The following NECTIN1 variants were observed in gnomAD, a reference collection of about 807,000 sequenced individuals.
NECTIN1 encodes the protein nectin cell adhesion molecule 1.
Under a neutral mutation model 48.0 loss-of-function variants are expected in NECTIN1, and 23 were observed. The observed-to-expected ratio is 0.48, with a 90% CI of 0.34 to 0.68. The LOEUF is 0.68. NECTIN1 is among the 30% of genes least tolerant of loss of function. The pLI, the probability that NECTIN1 is intolerant of heterozygous loss-of-function variation, is 0.01. For missense variants in NECTIN1, 591 were observed against 709.9 expected, an observed-to-expected ratio of 0.83 and a Z score of 1.90; for synonymous variants, 270 against 288.9, an observed-to-expected ratio of 0.93 and a Z score of 0.66.
chr11:119,665,335 G>A lies in NECTIN1; in HGVS notation c.1004-38C>T, dbSNP rs377280285. On this transcript the variant is annotated intron_variant, in intron 5 of 5. Transcript: ENST00000264025. The surrounding 1 kb of genome is among the most constrained non-coding windows in gnomAD (Gnocchi z 5.1). ...AAGAGATGGAGGGGACAGCATCAGC[G>A]TGTGCTCCTGGGGTGTAGAGGGGGT... is the stretch of plus-strand genomic sequence containing the variant. The A allele has an allele frequency of 9.6e-5, 149 of 1,548,776 alleles. No individual in the cohort carries two copies. The highest frequency in any genetic ancestry group is 1.6e-4 in the African/African-American group (12 of 74,218).
intron 1 of NECTIN1, among the ~76,000 whole-genome samples, chr11:119,698,529 T>C (rs1001565331): frequency 3.9e-5 from 6 of 152,160 alleles, no homozygotes; most frequent in African/African-American, 7.2e-5. Flanking sequence ...TGGGATCAGG[T>C]ACCAGGGCTG....
chr11:119,703,800 T>C (rs569261203), intron 1 of NECTIN1, among the ~76,000 whole-genome samples: 1 of 152,314 alleles, frequency 6.6e-6, no homozygotes, highest in African/African-American at 2.4e-5. Context: ...CCAAAAGGAT[T>C]GATCATGGAA....
At chr11:119,713,206 C>A (rs1394063499) in intron 1 of NECTIN1, among the ~76,000 whole-genome samples, 1 of 152,074 alleles carries the variant, frequency 6.6e-6, no homozygotes, top group African/African-American at 2.4e-5. Flanking sequence ...AGACCAGAAA[C>A]CAGCTGGGGG....
intron 1 of NECTIN1, among the ~76,000 whole-genome samples, chr11:119,699,536 C>A (rs1007378245): frequency 4.6e-5 from 7 of 152,200 alleles, no homozygotes; most frequent in Admixed American, 2.6e-4. Flanking sequence ...GCCCCTCTGG[C>A]GGGCAGGCAC....
chr11:119,638,823 G>T, intron 6 of NECTIN1: 2 of 1,608,590 alleles, frequency 1.2e-6, no homozygotes, highest in South Asian at 2.2e-5. Context: ...ACAGAATGAG[G>T]GTAAGCTCAG....
intron 5 of NECTIN1, among the ~76,000 whole-genome samples, chr11:119,674,173 C>A (rs1054297797): frequency 6.6e-6 from 1 of 152,160 alleles, no homozygotes; most frequent in Non-Finnish European, 1.5e-5. Flanking sequence ...AACTGCCGAC[C>A]AGTCTTCTGT....
chr11:119,650,098 C>T (rs576642819), intron 5 of NECTIN1, among the ~76,000 whole-genome samples: 11 of 150,752 alleles, frequency 7.3e-5, no homozygotes, highest in Non-Finnish European at 1.6e-4. Flanking sequence ...GTGGGGGTCA[C>T]AAGGTACTCA....
intron 1 of NECTIN1, among the ~76,000 whole-genome samples, chr11:119,716,993 C>G (rs542340057): frequency 1.3e-5 from 2 of 152,230 alleles, no homozygotes. Context: ...ATCATTACAG[C>G]GCAAACTGTG....
Position 119,727,227 on chromosome 11 carries a change from A to T in NECTIN1, c.79+1248T>A, listed in dbSNP as rs1346969270. On this transcript the variant is annotated intron_variant, in intron 1 of 5. Coordinates refer to ENST00000264025, the MANE Select transcript of NECTIN1 (RefSeq NM_002855.5). This position sits in a 1 kb window ranked among gnomAD's most constrained non-coding sequence, Gnocchi z 4.1. ...ACCCTAGCCCCGGAACTAGGCAGCC[A>T]GACTGTTCCCTCGATAACAAACTGC... 6.6e-6 allele frequency among the ~76,000 whole-genome samples: 1 copy of T among 152,208 alleles called. No homozygotes were observed. Among genetic ancestry groups the T allele is most frequent in the Non-Finnish European group, 1.5e-5 (1 of 68,026 alleles).
intron 1 of NECTIN1, among the ~76,000 whole-genome samples, chr11:119,726,794 T>C (rs1268951767): frequency 6.6e-6 from 1 of 152,128 alleles, no homozygotes; most frequent in Non-Finnish European, 1.5e-5. Flanking sequence ...CAACCAGAGC[T>C]CTGGGAAGCT....
At chr11:119,722,685 G>A (rs568542900) in intron 1 of NECTIN1, among the ~76,000 whole-genome samples, 1 of 152,364 alleles carries the variant, frequency 6.6e-6, no homozygotes, top group South Asian at 2.1e-4. Context: ...GCTCCCGAGT[G>A]GGGGCAGGGA....
intron 1 of NECTIN1, among the ~76,000 whole-genome samples, chr11:119,719,058 T>G (rs1382611158): frequency 6.6e-6 from 1 of 152,242 alleles, no homozygotes; most frequent in African/African-American, 2.4e-5. Context: ...TGACTGCCTT[T>G]GGATTGCGAC....
At chr11:119,728,384 C>G in intron 1 of NECTIN1, 91 bp downstream of exon 1, 2 of 1,290,746 alleles carry the variant, frequency 1.5e-6, no homozygotes, top group South Asian at 2.7e-5. Flanking sequence ...GCTCCTTTCA[C>G]TCCCCACAAT....
chr11:119,722,375 C>T (rs544706091), intron 1 of NECTIN1, among the ~76,000 whole-genome samples: 1 of 152,346 alleles, frequency 6.6e-6, no homozygotes, highest in African/African-American at 2.4e-5. Context: ...GGATTCTCTA[C>T]CCATCTGGCT....
rs1464974301 is a variant in NECTIN1 at position 119,677,329 on chromosome 11, G to A, written c.734-110C>T. The A allele has an allele frequency of 1.3e-5, 14 of 1,117,234 alleles. No homozygotes were observed. Among genetic ancestry groups the A allele is most frequent in the Admixed American group, 1.2e-4 (7 of 58,700 alleles). 69.2% of individuals were successfully genotyped at this position (1,117,234 alleles called of 1,614,324 possible). A position where few individuals can be genotyped will look rare whatever the true frequency, so the allele number is the denominator to read the frequency against. ...GGAGCAGTGGCATGGAAACAGCCAG[G>A]AGAGAGGGAAGTGTGGGTGGGAGGG... On this transcript the variant is annotated intron_variant, in intron 3 of 5. Transcript: ENST00000264025. This position sits in a 1 kb window ranked among gnomAD's most constrained non-coding sequence, Gnocchi z 5.4.
chr11:119,678,228 C>T lies in NECTIN1; in HGVS notation c.430+187G>A, dbSNP rs1210350485. 6.6e-6 allele frequency among the ~76,000 whole-genome samples: 1 copy of T among 152,184 alleles called. No individual in the cohort carries two copies. The highest frequency in any genetic ancestry group is 2.4e-5 in the African/African-American group (1 of 41,446). ...GTTCCCCACTGTCTAGAGATAAGCC[C>T]CTGCCCCTAATCCCTAGTGAATTGT... is the stretch of plus-strand genomic sequence containing the variant. On this transcript the variant is annotated intron_variant, in intron 2 of 5. Transcript: ENST00000264025. The surrounding 1 kb of genome is among the most constrained non-coding windows in gnomAD (Gnocchi z 4.4).
chr11:119,708,649 C>A (rs976921291), intron 1 of NECTIN1, among the ~76,000 whole-genome samples: 2 of 151,958 alleles, frequency 1.3e-5, no homozygotes, highest in South Asian at 2.1e-4. Context: ...TAATGAATAC[C>A]GAGGTTCTTT....
intron 5 of NECTIN1, among the ~76,000 whole-genome samples, chr11:119,671,164 G>A (rs982378983): frequency 8.6e-5 from 13 of 151,784 alleles, no homozygotes; most frequent in Admixed American, 1.3e-4. Context: ...GCTGTCTGGC[G>A]TGGAGTGGAG....
chr11:119,640,900 C>G (rs958411677), intron 5 of NECTIN1: 1 of 152,170 alleles, frequency 6.6e-6, no homozygotes, highest in Non-Finnish European at 1.5e-5. Flanking sequence ...TCTCCACTAC[C>G]ATATTACATA....
Sources: gnomAD v4.1 joint callset for allele counts (sites outside exome capture counted in the v4.1 genomes callset) on GRCh38, gnomAD v4.1.1 for gene constraint, Gnocchi (gnomAD v3.1) non-coding constraint, MANE v1.5 for transcripts, NCBI Gene and HGNC (gene_info 2026-07-23, HGNC 2026-07-21) for gene names.